Variants in CDK14 observed in about 807,000 individuals in gnomAD.
CDK14 encodes cyclin dependent kinase 14, also known as cyclin-dependent kinase 14.
In CDK14, 34 loss-of-function variants were observed where a neutral mutation model predicts 60.7. That is an observed-to-expected ratio of 0.56 (90% confidence interval 0.43 to 0.75). CDK14 has a LOEUF of 0.75. CDK14 is among the 30% of genes least tolerant of loss of function. The pLI is 0.00. For missense variants in CDK14, 482 were observed against 564.1 expected (o/e 0.85, Z 1.47); for synonymous variants, 197 against 203.7 (o/e 0.97, Z 0.28).
At chr7:90,750,153 AACACACACACACACACACAC>A (rs3138824) in intron 4 of CDK14, among the ~76,000 whole-genome samples, 12 of 131,416 alleles carry the variant, frequency 9.1e-5, no homozygotes, top group Non-Finnish European at 8.1e-5. Flanking sequence ...GGGGAAAGAA[AACACACACACACACACACAC>A]ACACACACAC....
At chr7:91,171,521 T>C (rs1475981480) in intron 14 of CDK14, among the ~76,000 whole-genome samples, 3 of 152,204 alleles carry the variant, frequency 2.0e-5, no homozygotes, top group African/African-American at 7.2e-5. Flanking sequence ...TCTCTTAAAA[T>C]GTAAGCACAT....
intron 6 of CDK14, among the ~76,000 whole-genome samples, chr7:90,888,155 T>G (rs185302688): frequency 1.2e-3 from 177 of 152,156 alleles, no homozygotes; most frequent in African/African-American, 3.8e-3. Flanking sequence ...ATTGAGACCA[T>G]CCTGGCCAGC....
intron 2 of CDK14, among the ~76,000 whole-genome samples, chr7:90,721,335 TTTATA>T (rs1189413492): frequency 1.3e-5 from 2 of 152,218 alleles, no homozygotes; most frequent in Admixed American, 6.5e-5. Context: ...TCATACTTCT[TTTATA>T]TTATAGCTGC....
intron 14 of CDK14, among the ~76,000 whole-genome samples, chr7:91,194,449 A>G (rs73708285): frequency 0.015 from 2,350 of 152,172 alleles, 57 homozygotes; most frequent in African/African-American, 0.054. Flanking sequence ...TTCAATTTGT[A>G]TACTTTACAC....
intron 2 of CDK14, among the ~76,000 whole-genome samples, chr7:90,674,234 G>C (rs1375728631): frequency 2.0e-5 from 3 of 152,224 alleles, no homozygotes; most frequent in Admixed American, 2.0e-4. Flanking sequence ...TTGAAGCACA[G>C]CCATGTATTA....
rs555466830 is a variant in CDK14, at chr7:91,124,140, C to T, written c.*28+5932C>T. Among the ~76,000 whole-genome samples the T allele has an allele frequency of 9.9e-5, 15 of 152,130 alleles. No homozygotes were observed. In the East Asian group the frequency reaches 1.4e-3, roughly 14 times the overall value. ...TGGCCTTAAGCGATCATCCTGCTTT[C>T]GCCTCACAAAGTGTTGGGATTACAG... On this transcript the variant is annotated intron_variant, in intron 14 of 14. Transcript: ENST00000380050.
intron 2 of CDK14, among the ~76,000 whole-genome samples, chr7:90,634,460 A>G (rs937857903): frequency 6.6e-6 from 1 of 151,154 alleles, no homozygotes; most frequent in African/African-American, 2.4e-5. Flanking sequence ...AAGGACATGA[A>G]CTCATCATTT....
chr7:90,971,469 C>G (rs1205218242), intron 9 of CDK14, among the ~76,000 whole-genome samples: 6 of 151,986 alleles, frequency 3.9e-5, no homozygotes, highest in African/African-American at 1.5e-4. Context: ...ACGTGTACAT[C>G]ATGCCATGGA....
chr7:90,689,533 G>C (rs928026189), intron 2 of CDK14, among the ~76,000 whole-genome samples: 5 of 151,998 alleles, frequency 3.3e-5, no homozygotes, highest in Non-Finnish European at 7.4e-5. Context: ...GTGAGCCCTT[G>C]GTCTCCTTTG....
intron 2 of CDK14, among the ~76,000 whole-genome samples, chr7:90,704,310 AT>A (rs1487212547): frequency 6.6e-6 from 1 of 152,120 alleles, no homozygotes; most frequent in Non-Finnish European, 1.5e-5. Context: ...ATAACAAAAC[AT>A]TTTTTCACCT....
chr7:91,040,207 T>G (rs1444117791), intron 10 of CDK14, among the ~76,000 whole-genome samples: 2 of 152,192 alleles, frequency 1.3e-5, no homozygotes, highest in Non-Finnish European at 2.9e-5. Context: ...CAGTGCAAGC[T>G]CCAGGTGGCT....
intron 14 of CDK14, among the ~76,000 whole-genome samples, chr7:91,158,016 A>G (rs891641151): frequency 6.6e-6 from 1 of 150,536 alleles, no homozygotes; most frequent in African/African-American, 2.4e-5. Context: ...CTCCCAAGAA[A>G]CTTTTTTCTC....
At chr7:91,028,302 C>A (rs1796662040) in intron 10 of CDK14, among the ~76,000 whole-genome samples, 1 of 151,968 alleles carries the variant, frequency 6.6e-6, no homozygotes, top group East Asian at 1.9e-4. Context: ...ACACACCCCC[C>A]ACATTTTCTT....
intron 14 of CDK14, among the ~76,000 whole-genome samples, chr7:91,167,536 A>G (rs1801382809): frequency 6.6e-6 from 1 of 152,234 alleles, no homozygotes; most frequent in Non-Finnish European, 1.5e-5. Context: ...TAATGTAGAT[A>G]GGGTCATGGC....
intron 12 of CDK14, among the ~76,000 whole-genome samples, chr7:91,085,536 C>T (rs1291040859): frequency 6.6e-6 from 1 of 152,172 alleles, no homozygotes; most frequent in Non-Finnish European, 1.5e-5. Flanking sequence ...GTCCCTTTTG[C>T]TGTGAAAAGT....
chr7:90,858,973 T>C (rs1009735007), intron 5 of CDK14, among the ~76,000 whole-genome samples: 1 of 152,230 alleles, frequency 6.6e-6, no homozygotes, highest in Non-Finnish European at 1.5e-5. Context: ...TTACTGTTAT[T>C]GTAATTACTT....
At chr7:90,746,019 G>A (rs1380943039) in intron 3 of CDK14, among the ~76,000 whole-genome samples, 2 of 152,148 alleles carry the variant, frequency 1.3e-5, no homozygotes, top group African/African-American at 4.8e-5. Flanking sequence ...GCTGTCTCCT[G>A]TGCAGATGCC....
At chr7:90,638,486 C>T (rs1289306767) in intron 2 of CDK14, among the ~76,000 whole-genome samples, 1 of 152,236 alleles carries the variant, frequency 6.6e-6, no homozygotes, top group Non-Finnish European at 1.5e-5. Context: ...TTTAGAGTTT[C>T]TGCCGAGAGA....
intron 4 of CDK14, among the ~76,000 whole-genome samples, chr7:90,764,131 G>A (rs1271624771): frequency 6.6e-6 from 1 of 152,166 alleles, no homozygotes; most frequent in Non-Finnish European, 1.5e-5. Context: ...GTTTATGAGT[G>A]CTGTTGAATC....
Sources: gnomAD v4.1 joint callset for allele counts (sites outside exome capture counted in the v4.1 genomes callset) on GRCh38, gnomAD v4.1.1 for gene constraint, MANE v1.5 for transcripts, NCBI Gene and HGNC (gene_info 2026-07-23, HGNC 2026-07-21) for gene names.